The following NTN4 variants were observed in gnomAD, a reference collection of about 807,000 sequenced individuals.
NTN4 encodes netrin 4.
A neutral mutation model predicts 73.6 loss-of-function variants in NTN4; 32 were observed. The ratio of observed to expected loss-of-function variants is 0.44; its 90% confidence interval spans 0.33 to 0.58. The LOEUF is 0.58. Ranked by LOEUF, NTN4 falls within the 20% of genes least tolerant of loss-of-function variation. The pLI is 0.04. For missense variants in NTN4, 654 were observed against 798.3 expected (o/e 0.82, Z 2.18); for synonymous variants, 258 against 287.5 (o/e 0.90, Z 1.04).
intron 5 of NTN4, among the ~76,000 whole-genome samples, chr12:95,685,969 T>C (rs1259496168): frequency 6.6e-6 from 1 of 152,120 alleles, no homozygotes; most frequent in East Asian, 1.9e-4. Context: ...CACTGCAGCC[T>C]CGACCTCCCA....
intron 2 of NTN4, among the ~76,000 whole-genome samples, chr12:95,755,038 G>T (rs2121229087): frequency 6.6e-6 from 1 of 152,284 alleles, no homozygotes; most frequent in Non-Finnish European, 1.5e-5. Context: ...CCCAAACGTA[G>T]AAATAGACAC....
At chr12:95,743,825 CTTATT>C (rs1252929691) in intron 2 of NTN4, among the ~76,000 whole-genome samples, 3 of 152,176 alleles carry the variant, frequency 2.0e-5, no homozygotes, top group African/African-American at 7.2e-5. Context: ...TAATTATCAA[CTTATT>C]TTATTTCTCC....
chr12:95,725,047 C>G (rs1299628042), intron 3 of NTN4, among the ~76,000 whole-genome samples: 2 of 144,372 alleles, frequency 1.4e-5, no homozygotes, highest in Admixed American at 1.4e-4. Context: ...CCTAAAATAA[C>G]TTCTTATAAT....
In NTN4 at chr12:95,787,321, G is replaced by A. The variant is rs749560184; in HGVS notation, c.203C>T (p.Thr68Met). Residue 68 changes from threonine (T) to methionine (M), a missense_variant, in exon 2 of 10, where the codon ACG (threonine) becomes ATG (methionine). Thr to Met is a moderately conservative substitution (Grantham distance 81). Transcript: ENST00000343702. ...TELYCFYSEN[T>M]DLTCRQPKCD... ...TTTGGGCTGCCGACAAGTCAGATCC[G>A]TGTTCTCACTGTAGAAGCAGTACAG... 1.3e-5 allele frequency: 21 copies of A among 1,614,124 alleles called. No homozygotes were observed. The East Asian group carries it at 1.3e-4, about 10-fold the overall frequency.
At chr12:95,685,551 G>A (rs916149083) in intron 5 of NTN4, among the ~76,000 whole-genome samples, 5 of 152,208 alleles carry the variant, frequency 3.3e-5, no homozygotes, top group African/African-American at 9.6e-5. Flanking sequence ...ATAGCACAGT[G>A]TCACACACTG....
At chr12:95,719,471 G>A (rs1484345569) in intron 3 of NTN4, among the ~76,000 whole-genome samples, 1 of 152,126 alleles carries the variant, frequency 6.6e-6, no homozygotes, top group Non-Finnish European at 1.5e-5. Context: ...AAGACCAAAT[G>A]TGAAGGCAAA....
At chr12:95,695,094 C>T (rs939244061) in intron 5 of NTN4, among the ~76,000 whole-genome samples, 7 of 150,958 alleles carry the variant, frequency 4.6e-5, no homozygotes, top group Admixed American at 1.3e-4. Flanking sequence ...CGCCACTGCA[C>T]GCTAACCTGG....
At chr12:95,722,067 CTTTT>C (rs200453216) in intron 3 of NTN4, among the ~76,000 whole-genome samples, 3 of 124,480 alleles carry the variant, frequency 2.4e-5, no homozygotes, top group Non-Finnish European at 1.7e-5. Flanking sequence ...TTCAGTAGAT[CTTTT>C]TTTTTTTTTT....
At chr12:95,748,653 T>C (rs1289038043) in intron 2 of NTN4, among the ~76,000 whole-genome samples, 1 of 152,106 alleles carries the variant, frequency 6.6e-6, no homozygotes, top group Non-Finnish European at 1.5e-5. Context: ...GTATTTTTAG[T>C]GGAGCTGGGG....
intron 2 of NTN4, among the ~76,000 whole-genome samples, chr12:95,756,586 C>T (rs2078948482): frequency 6.6e-6 from 1 of 152,130 alleles, no homozygotes; most frequent in South Asian, 2.1e-4. Context: ...CAATACTGAT[C>T]ACCTCAATTT....
intron 2 of NTN4, among the ~76,000 whole-genome samples, chr12:95,774,094 C>A: frequency 6.6e-6 from 1 of 151,776 alleles, no homozygotes; most frequent in South Asian, 2.1e-4. Flanking sequence ...TGCATACCAC[C>A]ATATTACAAA....
intron 2 of NTN4, among the ~76,000 whole-genome samples, chr12:95,763,320 T>TG (rs146188526): frequency 0.27 from 41,812 of 152,138 alleles, 6,508 homozygotes; most frequent in South Asian, 0.41. Context: ...TAATGGCTGA[T>TG]GCCCATTCAT....
At chr12:95,729,632 A>AGT (rs758891542) in intron 3 of NTN4, among the ~76,000 whole-genome samples, 7,135 of 124,028 alleles carry the variant, frequency 0.058, 303 homozygotes, top group East Asian at 0.25. Context: ...AGAGAGAGAG[A>AGT]GTGTGTGTGT....
chr12:95,779,608 T>A (rs11108262), intron 2 of NTN4, among the ~76,000 whole-genome samples: 128,983 of 151,842 alleles, frequency 0.85, 55,171 homozygotes, highest in African/African-American at 0.9. Context: ...AGGGATGTGA[T>A]GGACCTCTTC....
chr12:95,671,467 G>A (rs1457366410), intron 7 of NTN4, among the ~76,000 whole-genome samples: 1 of 152,094 alleles, frequency 6.6e-6, no homozygotes, highest in Non-Finnish European at 1.5e-5. Context: ...TACCGCCTGA[G>A]CTCCGCCTCC....
At chr12:95,674,800 C>T (rs189093154) in intron 7 of NTN4, among the ~76,000 whole-genome samples, 12 of 152,292 alleles carry the variant, frequency 7.9e-5, no homozygotes, top group Admixed American at 7.2e-4. Flanking sequence ...CTCAATCTGG[C>T]GTTCATCCAG....
chr12:95,790,928 C>CGCCCGG (rs1555222866), upstream of NTN4, among the ~76,000 whole-genome samples: 2 of 117,128 alleles, frequency 1.7e-5, no homozygotes. This position sits in a 1 kb window ranked among gnomAD's most constrained non-coding sequence, Gnocchi z 6.5. Flanking sequence ...CGCTGCCGCC[C>CGCCCGG]GGGGGGGGGG....
intron 2 of NTN4, among the ~76,000 whole-genome samples, chr12:95,758,841 C>A (rs1435918909): frequency 2.0e-5 from 3 of 152,194 alleles, no homozygotes; most frequent in African/African-American, 7.2e-5. Context: ...CAGTCGTGAG[C>A]CATTGTGCCT....
rs142959666 is a variant in NTN4 at position 95,682,795 on chromosome 12, T to A, written c.1422A>T (p.Glu474Asp). Residue 474 changes from glutamate to aspartate, a missense_variant, in exon 7 of 10, where the codon GAA becomes GAT. Transcript: ENST00000343702. ...TGTGCACGGGACGGAAGTCAGGAAC[T>A]TCATGATACCAGTCTATGTCTGTGT... ...SSHTDIDWYH[E>D]VPDFRPVHNK... is the part of the protein sequence containing the mutation. The A allele has an allele frequency of 6.2e-7, 1 of 1,613,292 alleles. No homozygotes were observed. The highest frequency in any genetic ancestry group is 8.5e-7 in the Non-Finnish European group (1 of 1,179,344).
Sources: gnomAD v4.1 joint callset for allele counts (sites outside exome capture counted in the v4.1 genomes callset) on GRCh38, gnomAD v4.1.1 for gene constraint, Gnocchi (gnomAD v3.1) non-coding constraint, MANE v1.5 for transcripts, NCBI Gene and HGNC (gene_info 2026-07-23, HGNC 2026-07-21) for gene names.